COG5: variants seen among roughly 807,000 people sequenced by gnomAD.
COG5 encodes the protein component of oligomeric golgi complex 5.
Under a neutral mutation model 110.4 loss-of-function variants are expected in COG5, and 86 were observed. That is an observed-to-expected ratio of 0.78 (90% confidence interval 0.65 to 0.93). The LOEUF is 0.93. Among genes scored for constraint, COG5 ranks in the 40% least tolerant of loss-of-function variants. The pLI is 0.00. For missense variants in COG5, 1,077 were observed against 987.0 expected (o/e 1.09, Z -1.22); for synonymous variants, 360 against 334.6 (o/e 1.08, Z -0.83).
chr7:107,477,689 T>G (rs1339773595), intron 6 of COG5, among the ~76,000 whole-genome samples: 1 of 151,764 alleles, frequency 6.6e-6, no homozygotes, highest in African/African-American at 2.4e-5. Context: ...ATGTGCTAAG[T>G]AGTATATAAT....
intron 6 of COG5, among the ~76,000 whole-genome samples, chr7:107,519,976 A>G (rs142116012): frequency 0.01 from 1,597 of 152,334 alleles, 17 homozygotes; most frequent in African/African-American, 0.037. Context: ...CACGGGATGC[A>G]AGGCTGGTTC....
In COG5 at chr7:107,202,646, A is replaced by T. The variant is rs960160229; in HGVS notation, c.*870T>A. ...CATAAGGCAAATTCCTAACACTGCT[A>T]ATTAGGAGGCTGCTGATAGGATTTT... On this transcript the variant is annotated 3_prime_UTR_variant, in exon 22 of 22. Coordinates refer to ENST00000297135, the MANE Select transcript of COG5 (RefSeq NM_006348.5). 16 of 152,376 alleles carry T rather than the reference A, an allele frequency of 1.1e-4. No homozygotes were observed. Among genetic ancestry groups the T allele is most frequent in the Admixed American group, 1.0e-3 (16 of 15,296 alleles). The allele number at this position is 152,376 out of a possible 1,614,324, so 9.4% of individuals were successfully genotyped here. A position where few individuals can be genotyped will look rare whatever the true frequency, so the allele number is the denominator to read the frequency against.
chr7:107,467,371 T>G (rs1385913898), intron 6 of COG5, among the ~76,000 whole-genome samples: 1 of 152,188 alleles, frequency 6.6e-6, no homozygotes, highest in Non-Finnish European at 1.5e-5. Flanking sequence ...TTATTTTTTT[T>G]TTGAGACCTA....
chr7:107,316,701 G>A (rs997824103), intron 11 of COG5, among the ~76,000 whole-genome samples: 4 of 150,884 alleles, frequency 2.7e-5, no homozygotes, highest in South Asian at 2.1e-4. Context: ...GCGTGGTGGC[G>A]GGCGGCTATA....
intron 6 of COG5, among the ~76,000 whole-genome samples, chr7:107,479,215 C>T (rs1797171915): frequency 6.6e-6 from 1 of 152,060 alleles, no homozygotes; most frequent in African/African-American, 2.4e-5. Flanking sequence ...CTGAATAAAG[C>T]TGCTGCAGCA....
intron 12 of COG5, among the ~76,000 whole-genome samples, chr7:107,284,139 G>A (rs761978023): frequency 3.3e-5 from 5 of 152,028 alleles, no homozygotes; most frequent in Non-Finnish European, 5.9e-5. Context: ...TGGCCAGGAT[G>A]GTCTCAAACT....
intron 6 of COG5, among the ~76,000 whole-genome samples, chr7:107,489,990 T>C (rs1797887993): frequency 6.6e-6 from 1 of 152,110 alleles, no homozygotes; most frequent in Admixed American, 6.6e-5. Flanking sequence ...CAGCAATCAA[T>C]GGAAACTTTT....
intron 10 of COG5, among the ~76,000 whole-genome samples, chr7:107,338,058 T>A (rs567741951): frequency 7.9e-5 from 12 of 152,240 alleles, no homozygotes; most frequent in African/African-American, 2.9e-4. Flanking sequence ...AAACCCACAT[T>A]TTTGTCCACA....
In COG5 at chr7:107,548,129, T is replaced by C. The variant is rs375237727; in HGVS notation, c.399A>G (p.Ala133=). ...EPYNKIVART[A]QLARLQVACD... is the part of the protein sequence containing the mutation. ...AAACTACCTGAAGTCTTGCTAGTTG[T>C]GCAGTCCGGGCAACTATCTTATTGT... Residue 133 remains alanine, a synonymous_variant, in exon 5 of 22, where the codon GCA becomes GCG. Coordinates refer to ENST00000297135, the MANE Select transcript of COG5 (RefSeq NM_006348.5). 1 of 1,613,670 alleles carries C rather than the reference T, an allele frequency of 6.2e-7. No individual in the cohort carries two copies. The highest frequency in any genetic ancestry group is 1.3e-5 in the African/African-American group (1 of 74,930).
In COG5 at chr7:107,358,502, G is replaced by A. The variant is rs566260284; in HGVS notation, c.1026+3531C>T. 1.6e-4 allele frequency among the ~76,000 whole-genome samples: 25 copies of A among 152,240 alleles called. No individual in the cohort carries two copies. In the South Asian group the frequency reaches 3.3e-3, roughly 20 times the overall value. On this transcript the variant is annotated intron_variant, in intron 10 of 21. Coordinates refer to ENST00000297135, the MANE Select transcript of COG5 (RefSeq NM_006348.5). ...GGTAAAGTTACTGATATAAATATACGTGCACAAAAGAGTTAACATAACAGG... is the reference window on the plus strand; with the variant it reads ...GGTAAAGTTACTGATATAAATATACATGCACAAAAGAGTTAACATAACAGG...
chr7:107,559,080 G>T (rs1158176586), intron 1 of COG5, among the ~76,000 whole-genome samples: 1 of 151,770 alleles, frequency 6.6e-6, no homozygotes, highest in Non-Finnish European at 1.5e-5. Context: ...CACAAATACT[G>T]TTATAGCAAA....
chr7:107,224,230 C>T (rs1800161313), intron 19 of COG5, among the ~76,000 whole-genome samples: 3 of 152,212 alleles, frequency 2.0e-5, no homozygotes, highest in African/African-American at 7.2e-5. Context: ...AAAATGGAAG[C>T]TGCAGAGACG....
chr7:107,535,451 A>G (rs1801516674), intron 5 of COG5, among the ~76,000 whole-genome samples: 2 of 151,868 alleles, frequency 1.3e-5, no homozygotes, highest in African/African-American at 2.4e-5. Context: ...AGAATCAAAT[A>G]GACACAATCA....
intron 6 of COG5, among the ~76,000 whole-genome samples, chr7:107,457,386 T>C (rs1450167910): frequency 6.8e-6 from 1 of 146,838 alleles, no homozygotes; most frequent in Non-Finnish European, 1.5e-5. Context: ...AAAGCATCAA[T>C]GACATGGGGA....
intron 6 of COG5, among the ~76,000 whole-genome samples, chr7:107,484,356 T>C (rs1797527790): frequency 6.6e-6 from 1 of 152,174 alleles, no homozygotes; most frequent in African/African-American, 2.4e-5. Flanking sequence ...AATTGCTCCT[T>C]ATGATTTCTT....
chr7:107,304,811 A>G (rs7795905), intron 11 of COG5, among the ~76,000 whole-genome samples: 2,869 of 152,320 alleles, frequency 0.019, 90 homozygotes, highest in African/African-American at 0.064. Context: ...TCAGATGCCC[A>G]AATACTGGGC....
chr7:107,458,924 T>G (rs1795824381), intron 6 of COG5, among the ~76,000 whole-genome samples: 1 of 151,340 alleles, frequency 6.6e-6, no homozygotes, highest in East Asian at 1.9e-4. Flanking sequence ...ATATATTATA[T>G]GTACATATAT....
At chr7:107,518,212 A>G (rs1185474902) in intron 6 of COG5, among the ~76,000 whole-genome samples, 1 of 152,192 alleles carries the variant, frequency 6.6e-6, no homozygotes, top group Non-Finnish European at 1.5e-5. Flanking sequence ...GCATACCAAA[A>G]TGAAAACACC....
chr7:107,344,607 C>G (rs1811441081), intron 10 of COG5, among the ~76,000 whole-genome samples: 1 of 152,206 alleles, frequency 6.6e-6, no homozygotes, highest in Non-Finnish European at 1.5e-5. Flanking sequence ...TCACCACAAC[C>G]TCCACCTCCC....
Sources: gnomAD v4.1 joint callset for allele counts (sites outside exome capture counted in the v4.1 genomes callset) on GRCh38, gnomAD v4.1.1 for gene constraint, MANE v1.5 for transcripts, NCBI Gene and HGNC (gene_info 2026-07-23, HGNC 2026-07-21) for gene names.